Variants in WDR17 observed in about 807,000 individuals in gnomAD.
WDR17 encodes WD repeat domain 17.
WDR17 carries 143 observed loss-of-function variants against 161.7 expected under a neutral mutation model. That is an observed-to-expected ratio of 0.88 (90% confidence interval 0.77 to 1.02). WDR17 has a LOEUF of 1.02. Among genes scored for constraint, WDR17 ranks in the 50% least tolerant of loss-of-function variants. The pLI is 0.00. For synonymous variants in WDR17, 517 were observed against 515.6 expected (o/e 1.00, Z -0.04); for missense variants, 1,469 against 1,520.9 (o/e 0.97, Z 0.57).
chr4:176,139,568 G>A (rs1744931733), intron 9 of WDR17, among the ~76,000 whole-genome samples: 2 of 151,908 alleles, frequency 1.3e-5, no homozygotes. Flanking sequence ...GTACTCATGG[G>A]AAAAGGCATT....
chr4:176,070,701 C>T (rs1425188386), intron 1 of WDR17, among the ~76,000 whole-genome samples: 1 of 150,920 alleles, frequency 6.6e-6, no homozygotes. Flanking sequence ...TTTTACTTTT[C>T]GTAGAGAAGA....
At chr4:176,144,825 G>T (rs1261402736) in intron 11 of WDR17, among the ~76,000 whole-genome samples, 2 of 151,884 alleles carry the variant, frequency 1.3e-5, no homozygotes, top group Non-Finnish European at 1.5e-5. Context: ...ATATCTTTAT[G>T]TGCATTCTTT....
chr4:176,108,479 C>G (rs1739171923), intron 1 of WDR17, among the ~76,000 whole-genome samples: 1 of 152,016 alleles, frequency 6.6e-6, no homozygotes, highest in Non-Finnish European at 1.5e-5. Flanking sequence ...TGCTCTTGCC[C>G]ATACTGTAAT....
chr4:176,158,894 T>A (rs1748569890), intron 18 of WDR17, among the ~76,000 whole-genome samples: 1 of 152,196 alleles, frequency 6.6e-6, no homozygotes, highest in African/African-American at 2.4e-5. Context: ...AGTCTCTCAA[T>A]CATAGTTTCA....
chr4:176,092,313 C>T lies in WDR17; in HGVS notation c.-6-19262C>T, dbSNP rs75316522. ...TTCAACATATGCAAATCAAATTATA[C>T]ATCATGTCAACAGGATGAAGGACAA... On this transcript the variant is annotated intron_variant, in intron 1 of 28. Transcript: ENST00000508596. Among the ~76,000 whole-genome samples the T allele has an allele frequency of 7.8e-3, 1,185 of 152,192 alleles. 27 individuals carry two copies. Among genetic ancestry groups the T allele is most frequent in the African/African-American group, 0.026 (1,091 of 41,536 alleles).
chr4:176,075,872 G>T (rs1462992962), intron 1 of WDR17, among the ~76,000 whole-genome samples: 4 of 152,018 alleles, frequency 2.6e-5, no homozygotes, highest in Non-Finnish European at 5.9e-5. Flanking sequence ...CAGTTCGGGA[G>T]GCTGAGGCAA....
At chr4:176,078,313 G>A (rs1292624501) in intron 1 of WDR17, among the ~76,000 whole-genome samples, 1 of 152,098 alleles carries the variant, frequency 6.6e-6, no homozygotes, top group Non-Finnish European at 1.5e-5. Context: ...CTAGGGAAAT[G>A]ATGAGTATAA....
At chr4:176,176,272 G>A (rs1386658620) in intron 26 of WDR17, among the ~76,000 whole-genome samples, 1 of 152,212 alleles carries the variant, frequency 6.6e-6, no homozygotes, top group East Asian at 1.9e-4. Context: ...TAGGGAATGT[G>A]TTAGCTTAGA....
chr4:176,136,327 A>G (rs906386435), intron 8 of WDR17, among the ~76,000 whole-genome samples: 8 of 151,666 alleles, frequency 5.3e-5, no homozygotes, highest in African/African-American at 1.7e-4. Flanking sequence ...GGCTAGCAAT[A>G]TAGGAATTGG....
chr4:176,160,846 A>T (rs1748927121), intron 19 of WDR17, 65 bp from the exon 20 acceptor site: 5 of 1,329,412 alleles, frequency 3.8e-6, no homozygotes, highest in Non-Finnish European at 5.1e-6. Context: ...TCAAAATCAT[A>T]TTCTGAAATG....
chr4:176,146,303 G>T (rs193278250), intron 12 of WDR17, 144 bp downstream of exon 12: 28 of 783,668 alleles, frequency 3.6e-5, no homozygotes, highest in Middle Eastern at 4.0e-4. Context: ...GCGTGATCGT[G>T]GTTTACTGCA....
chr4:176,078,030 T>C (rs184253557), intron 1 of WDR17, among the ~76,000 whole-genome samples: 1 of 152,214 alleles, frequency 6.6e-6, no homozygotes, highest in African/African-American at 2.4e-5. Context: ...AATAGAATGA[T>C]ACGTTGTGCA....
At chr4:176,128,961 A>C in intron 6 of WDR17, 101 bp downstream of exon 6, 1 of 1,093,784 alleles carries the variant, frequency 9.1e-7, no homozygotes, top group South Asian at 2.1e-5. Context: ...TGCCACTGAA[A>C]AGCAATTTTT....
chr4:176,077,347 T>G (rs1235969830), intron 1 of WDR17, among the ~76,000 whole-genome samples: 3 of 152,020 alleles, frequency 2.0e-5, no homozygotes, highest in African/African-American at 7.2e-5. Flanking sequence ...GATCTTGTTT[T>G]TCTAAATTGG....
chr4:176,093,624 A>G (rs532553173), intron 1 of WDR17, among the ~76,000 whole-genome samples: 66 of 152,190 alleles, frequency 4.3e-4, no homozygotes, highest in Non-Finnish European at 8.2e-4. Flanking sequence ...AGATTCATGG[A>G]CATAGATACA....
At position 176,177,091 on chromosome 4, in the gene WDR17, T is replaced by G; in HGVS notation, c.3483T>G (p.Pro1161=). 1 of 1,613,956 alleles carries G rather than the reference T, an allele frequency of 6.2e-7. No homozygotes were observed. The highest frequency in any genetic ancestry group is 8.5e-7 in the Non-Finnish European group (1 of 1,179,906). ...QLLKRREVSV[P]LKIEYLSEEL... is the part of the protein sequence containing the mutation. The stretch of plus-strand genomic sequence containing the variant: ...TAAAACGTCGGGAGGTGTCAGTACC[T>G]TTAAAAATTGAATATCTTTCTGAGG... The change falls in exon 27 of 29, where the codon CCT becomes CCG. Residue 1161 remains proline (P), a synonymous_variant. Coordinates refer to ENST00000508596, the MANE Select transcript of WDR17 (RefSeq NM_181265.4).
At chr4:176,178,685 C>G (rs1242790658) in intron 28 of WDR17, among the ~76,000 whole-genome samples, 1 of 152,188 alleles carries the variant, frequency 6.6e-6, no homozygotes, top group African/African-American at 2.4e-5. Context: ...CTAATAGGAG[C>G]TGTCTACTTT....
At chr4:176,156,004 T>C (rs1463220236) in intron 17 of WDR17, 75 bp from the exon 18 acceptor site, 5 of 1,333,302 alleles carry the variant, frequency 3.8e-6, no homozygotes, top group South Asian at 2.6e-5. Flanking sequence ...TACCAATCTA[T>C]TTTTTAAGTG....
In WDR17 at chr4:176,077,770, C is replaced by T. The variant is rs973507779; in HGVS notation, c.-7+11691C>T. ...GTCATTGTGACTCAGCCCCTCTCTA[C>T]TGTGCTGGCTTTTTTCAAGCTACAG... On this transcript the variant is annotated intron_variant, in intron 1 of 28. Transcript: ENST00000508596. 4.0e-4 allele frequency among the ~76,000 whole-genome samples: 60 copies of T among 151,692 alleles called. 1 individual carries two copies. The highest frequency in any genetic ancestry group is 1.5e-5 in the Non-Finnish European group (1 of 67,892).
Sources: allele counts gnomAD v4.1 joint callset (sites outside exome capture counted in the v4.1 genomes callset), GRCh38; gene constraint gnomAD v4.1.1; transcripts MANE v1.5; gene names NCBI Gene and HGNC (gene_info 2026-07-23, HGNC 2026-07-21).